The following NCAM2 variants were observed in gnomAD, a reference collection of about 807,000 sequenced individuals.
NCAM2 encodes N-CAM-2.
Under a neutral mutation model 98.1 loss-of-function variants are expected in NCAM2, and 30 were observed. The ratio of observed to expected loss-of-function variants is 0.31; its 90% CI spans 0.23 to 0.41. NCAM2 has a LOEUF of 0.41. NCAM2 is among the 10% of genes least tolerant of loss of function. The pLI is 1.00. For missense variants in NCAM2, 867 were observed against 1,005.8 expected, an observed-to-expected ratio of 0.86 and a Z score of 1.87; for synonymous variants, 368 against 342.4, an observed-to-expected ratio of 1.07 and a Z score of -0.83.
chr21:21,349,639 T>C (rs2075281976), intron 8 of NCAM2, among the ~76,000 whole-genome samples: 1 of 152,182 alleles, frequency 6.6e-6, no homozygotes, highest in Non-Finnish European at 1.5e-5. Flanking sequence ...CCTATGTTTG[T>C]TGCAGCACTG....
At position 21,313,731 on chromosome 21, in the gene NCAM2, T is replaced by G. The variant is rs190345348; in HGVS notation, c.620-10652T>G. On this transcript the variant is annotated intron_variant, in intron 5 of 17. Coordinates refer to ENST00000400546, the MANE Select transcript of NCAM2 (RefSeq NM_004540.5). ...TCATTCATTTAAAATGTTATTTTAG[T>G]CTGTTCTTTTTGTCTTTCATTCTTC... Among the ~76,000 whole-genome samples the G allele has an allele frequency of 2.6e-5, 4 of 152,130 alleles. No individual in the cohort carries two copies. In the East Asian group the frequency reaches 7.7e-4, roughly 29 times the overall value.
intron 12 of NCAM2, among the ~76,000 whole-genome samples, chr21:21,459,441 A>G (rs148536532): frequency 5.4e-4 from 80 of 148,950 alleles, no homozygotes; most frequent in African/African-American, 1.8e-3. Flanking sequence ...CACATATGCC[A>G]TATTTATAAT....
At chr21:21,386,239 G>T (rs950370102) in intron 9 of NCAM2, among the ~76,000 whole-genome samples, 1 of 152,110 alleles carries the variant, frequency 6.6e-6, no homozygotes, top group Non-Finnish European at 1.5e-5. Context: ...AGGTAAATAA[G>T]ATGTGAACAT....
intron 1 of NCAM2, among the ~76,000 whole-genome samples, chr21:21,245,485 C>G (rs1449736863): frequency 6.6e-6 from 1 of 152,160 alleles, no homozygotes; most frequent in African/African-American, 2.4e-5. Context: ...TTTTCTCACA[C>G]AGACAGAAAA....
Position 21,534,529 on chromosome 21 carries a change from G to A in NCAM2, c.2283-8G>A. 6.4e-7 allele frequency: 1 copy of A among 1,573,336 alleles called. No individual in the cohort carries two copies. Among genetic ancestry groups the A allele is most frequent in the Non-Finnish European group, 8.6e-7 (1 of 1,158,418 alleles). On this transcript the variant is annotated splice_region_variant and splice_polypyrimidine_tract_variant and intron_variant, in intron 16 of 17. Coordinates refer to ENST00000400546, the MANE Select transcript of NCAM2 (RefSeq NM_004540.5). ...ACACAGGTGAGATGTTTCTCTTTAT[G>A]TTTCTAGGAAAGATGGATCAAAAGA...
At chr21:21,226,246 A>G (rs140133187) in intron 1 of NCAM2, among the ~76,000 whole-genome samples, 10 of 151,914 alleles carry the variant, frequency 6.6e-5, no homozygotes, top group African/African-American at 2.4e-4. Context: ...AGAAGCACAA[A>G]CCTCAGCATC....
At position 21,372,689 on chromosome 21, in the gene NCAM2, C is replaced by G. The variant is rs141000364; in HGVS notation, c.1045-1174C>G. The stretch of plus-strand genomic sequence containing the variant: ...TGCATATTGTGCATCATTACAGAGC[C>G]AGTGATGAACCTGAGAATGGCTTCT... On this transcript the variant is annotated intron_variant, in intron 8 of 17. Transcript: ENST00000400546. 4.3e-3 allele frequency among the ~76,000 whole-genome samples: 648 copies of G among 151,896 alleles called. 5 individuals are homozygous for G. The highest frequency in any genetic ancestry group is 0.037 in the Middle Eastern group (11 of 294).
intron 1 of NCAM2, among the ~76,000 whole-genome samples, chr21:21,071,866 TCTGC>T (rs1188564458): frequency 8.9e-6 from 1 of 112,898 alleles, no homozygotes; most frequent in Non-Finnish European, 1.9e-5. Flanking sequence ...ATTTGTCATG[TCTGC>T]CTATCTATCT....
chr21:21,305,151 CTA>C (rs1296599901), intron 5 of NCAM2, among the ~76,000 whole-genome samples: 2 of 152,000 alleles, frequency 1.3e-5, no homozygotes, highest in East Asian at 3.9e-4. Flanking sequence ...AATCCCGTCT[CTA>C]TTAAAAATAC....
At chr21:21,513,117 C>G (rs180933224) in intron 16 of NCAM2, among the ~76,000 whole-genome samples, 5 of 151,990 alleles carry the variant, frequency 3.3e-5, no homozygotes, top group Non-Finnish European at 7.4e-5. Context: ...TCCAGTACTA[C>G]GTTAATACCA....
Position 21,111,119 on chromosome 21 carries a change from T to C in NCAM2, c.55+112501T>C, listed in dbSNP as rs113664344. On this transcript the variant is annotated intron_variant, in intron 1 of 17. Transcript: ENST00000400546. Reference sequence around the variant, plus strand: ...TTATTCTCCAAACCAAACAGTATGTTTACTTTTACTTATGAGAAGGAAATA... The same window carrying C: ...TTATTCTCCAAACCAAACAGTATGTCTACTTTTACTTATGAGAAGGAAATA... Among the ~76,000 whole-genome samples the C allele has an allele frequency of 1.3e-3, 200 of 152,298 alleles. 1 individual carries two copies. The highest frequency in any genetic ancestry group is 6.8e-3 in the Middle Eastern group (2 of 294).
chr21:21,133,636 T>G (rs918870399), intron 1 of NCAM2, among the ~76,000 whole-genome samples: 1 of 152,176 alleles, frequency 6.6e-6, no homozygotes, highest in Non-Finnish European at 1.5e-5. Flanking sequence ...TCACCCTCCA[T>G]GATGGAGTCA....
At chr21:21,301,474 C>G (rs574844327) in intron 5 of NCAM2, among the ~76,000 whole-genome samples, 3 of 143,140 alleles carry the variant, frequency 2.1e-5, no homozygotes. Context: ...CATGCTGGTG[C>G]GCTGCACCCA....
intron 5 of NCAM2, among the ~76,000 whole-genome samples, chr21:21,303,389 T>C (rs2073783642): frequency 6.6e-6 from 1 of 152,062 alleles, no homozygotes; most frequent in Non-Finnish European, 1.5e-5. Flanking sequence ...TTTAAGTGGA[T>C]TCTTACCCTT....
chr21:21,202,399 G>A (rs1007743043), intron 1 of NCAM2, among the ~76,000 whole-genome samples: 1 of 135,934 alleles, frequency 7.4e-6, no homozygotes, highest in African/African-American at 2.7e-5. Flanking sequence ...TGAATATAAA[G>A]CAAATATCCT....
intron 1 of NCAM2, among the ~76,000 whole-genome samples, chr21:21,181,657 C>G (rs892448024): frequency 6.6e-6 from 1 of 152,098 alleles, no homozygotes; most frequent in African/African-American, 2.4e-5. Flanking sequence ...TACTGAAAAG[C>G]CTTTCTGCAG....
At chr21:21,530,106 T>C (rs900322395) in intron 16 of NCAM2, among the ~76,000 whole-genome samples, 1 of 142,140 alleles carries the variant, frequency 7.0e-6, no homozygotes, top group African/African-American at 2.6e-5. Context: ...TAATTATATA[T>C]AATTTAATTT....
intron 9 of NCAM2, among the ~76,000 whole-genome samples, chr21:21,381,138 A>G (rs1265315715): frequency 6.6e-6 from 1 of 152,196 alleles, no homozygotes; most frequent in Non-Finnish European, 1.5e-5. Context: ...GCAGTCAGTA[A>G]TTAACAGGGT....
intron 1 of NCAM2, among the ~76,000 whole-genome samples, chr21:21,127,946 C>G (rs1205041933): frequency 6.6e-6 from 1 of 152,126 alleles, no homozygotes; most frequent in African/African-American, 2.4e-5. Context: ...TGGCTGACGC[C>G]CAGCTCATTG....
Sources: gnomAD v4.1 joint callset for allele counts (sites outside exome capture counted in the v4.1 genomes callset) on GRCh38, gnomAD v4.1.1 for gene constraint, MANE v1.5 for transcripts, NCBI Gene and HGNC (gene_info 2026-07-23, HGNC 2026-07-21) for gene names.